The following DCC variants were observed in gnomAD, a reference collection of about 807,000 sequenced individuals.
The protein encoded by DCC is netrin receptor DCC.
In DCC, 58 loss-of-function variants were observed where a neutral mutation model predicts 172.5. That is an observed-to-expected ratio of 0.34 (90% confidence interval 0.27 to 0.42). The LOEUF is 0.42. Among genes scored for constraint, DCC ranks in the 10% least tolerant of loss-of-function variants. The probability of loss-of-function intolerance (pLI) is 1.00; values close to 1 mark genes in which losing one functional copy is unlikely to be tolerated. For missense variants in DCC, 1,740 were observed against 1,791.0 expected (o/e 0.97, Z 0.51); for synonymous variants, 709 against 644.5 (o/e 1.10, Z -1.52).
At chr18:52,485,816 T>C (rs1452627353) in intron 1 of DCC, among the ~76,000 whole-genome samples, 1 of 152,122 alleles carries the variant, frequency 6.6e-6, no homozygotes, top group African/African-American at 2.4e-5. Flanking sequence ...ATTCAAAGAA[T>C]AATTCAACAG....
chr18:53,048,842 C>A (rs960346029), intron 5 of DCC, among the ~76,000 whole-genome samples: 2 of 151,692 alleles, frequency 1.3e-5, no homozygotes, highest in Non-Finnish European at 2.9e-5. Context: ...CTCACCAGCA[C>A]CTGTTATTTT....
At chr18:52,686,020 G>A (rs1182864411) in intron 1 of DCC, among the ~76,000 whole-genome samples, 1 of 151,818 alleles carries the variant, frequency 6.6e-6, no homozygotes, top group Non-Finnish European at 1.5e-5. Context: ...ATGTAAAGGG[G>A]TACAGGACAG....
chr18:52,835,765 A>G (rs2038693608), intron 2 of DCC, among the ~76,000 whole-genome samples: 1 of 152,358 alleles, frequency 6.6e-6, no homozygotes, highest in East Asian at 1.9e-4. Context: ...AAAATGATTC[A>G]AAAGTAACAT....
intron 19 of DCC, among the ~76,000 whole-genome samples, chr18:53,405,667 T>C (rs1909613066): frequency 6.6e-6 from 1 of 152,198 alleles, no homozygotes; most frequent in African/African-American, 2.4e-5. Flanking sequence ...TCTCTGATCA[T>C]AAACTGGAAA....
At chr18:52,924,934 C>G (rs1282079800) in intron 4 of DCC, among the ~76,000 whole-genome samples, 1 of 151,792 alleles carries the variant, frequency 6.6e-6, no homozygotes, top group Non-Finnish European at 1.5e-5. Context: ...CCTCGAGGTT[C>G]TCAAATCCAA....
chr18:52,729,389 A>T (rs1180795809), intron 1 of DCC, among the ~76,000 whole-genome samples: 2 of 152,062 alleles, frequency 1.3e-5, no homozygotes, highest in African/African-American at 2.4e-5. Context: ...CCTCCTGAGT[A>T]GCTGGGATTA....
chr18:52,850,650 C>T (rs2038961016), intron 2 of DCC, among the ~76,000 whole-genome samples: 1 of 152,068 alleles, frequency 6.6e-6, no homozygotes, highest in Admixed American at 6.6e-5. Context: ...TGGGGAACAC[C>T]TATTCTACTT....
At chr18:52,776,630 G>A (rs756535901) in intron 2 of DCC, among the ~76,000 whole-genome samples, 40 of 152,088 alleles carry the variant, frequency 2.6e-4, no homozygotes, top group Non-Finnish European at 1.5e-4. Flanking sequence ...CAGGAGGTGG[G>A]GATGGGCGGG....
intron 25 of DCC, among the ~76,000 whole-genome samples, chr18:53,481,946 T>G (rs1260899538): frequency 6.6e-6 from 1 of 152,182 alleles, no homozygotes; most frequent in Non-Finnish European, 1.5e-5. Flanking sequence ...CTTGTCATAT[T>G]TTGCCGCAGA....
At chr18:52,401,047 T>G (rs894669577) in intron 1 of DCC, among the ~76,000 whole-genome samples, 4 of 152,096 alleles carry the variant, frequency 2.6e-5, no homozygotes, top group South Asian at 2.1e-4. Context: ...TAACTGTGTA[T>G]ACATATGTAA....
chr18:53,494,746 G>T (rs2045999590), intron 26 of DCC, among the ~76,000 whole-genome samples: 2 of 152,040 alleles, frequency 1.3e-5, no homozygotes, highest in African/African-American at 2.4e-5. Flanking sequence ...CACACTGATG[G>T]GTCTTGATTC....
chr18:52,880,475 G>A (rs1216982126), intron 2 of DCC, among the ~76,000 whole-genome samples: 5 of 151,980 alleles, frequency 3.3e-5, no homozygotes, highest in Admixed American at 3.3e-4. Flanking sequence ...ATTATGTTTT[G>A]TATCCCGTAA....
At chr18:53,150,379 C>G (rs1273948900) in intron 7 of DCC, among the ~76,000 whole-genome samples, 2 of 152,176 alleles carry the variant, frequency 1.3e-5, no homozygotes, top group South Asian at 4.1e-4. Flanking sequence ...ATTTGCAAAG[C>G]CTTCCGTTTA....
At chr18:53,177,844 G>T (rs544760942) in intron 8 of DCC, among the ~76,000 whole-genome samples, 64 of 152,320 alleles carry the variant, frequency 4.2e-4, no homozygotes, top group African/African-American at 1.4e-3. Flanking sequence ...AAGCGAGCCA[G>T]TCTCTGCCAT....
At chr18:52,997,134 T>TC (rs780874981) in intron 5 of DCC, among the ~76,000 whole-genome samples, 2 of 152,052 alleles carry the variant, frequency 1.3e-5, no homozygotes, top group Non-Finnish European at 2.9e-5. Flanking sequence ...ATACAATGTA[T>TC]CCACTGAGTT....
intron 14 of DCC, among the ~76,000 whole-genome samples, chr18:53,335,588 C>T (rs1178914401): frequency 6.6e-6 from 1 of 152,050 alleles, no homozygotes; most frequent in Non-Finnish European, 1.5e-5. Flanking sequence ...ATACATGTTA[C>T]AGAAAATAAC....
chr18:52,900,459 T>A (rs1330663040), intron 2 of DCC, among the ~76,000 whole-genome samples: 1 of 152,216 alleles, frequency 6.6e-6, no homozygotes, highest in East Asian at 1.9e-4. Flanking sequence ...CTCTTGCTAA[T>A]AGCACCCAAT....
intron 12 of DCC, among the ~76,000 whole-genome samples, chr18:53,217,006 T>C (rs1455446637): frequency 6.6e-6 from 1 of 152,130 alleles, no homozygotes; most frequent in Non-Finnish European, 1.5e-5. Context: ...GTCTCTTGTT[T>C]AACAATTCAT....
chr18:52,765,077 G>A (rs111345232), intron 2 of DCC, among the ~76,000 whole-genome samples: 30 of 149,696 alleles, frequency 2.0e-4, no homozygotes, highest in Middle Eastern at 3.5e-3. Flanking sequence ...TGCCCAGGCC[G>A]GAGTGCAGTG....
Sources: gnomAD v4.1 joint callset for allele counts (sites outside exome capture counted in the v4.1 genomes callset) on GRCh38, gnomAD v4.1.1 for gene constraint, MANE v1.5 for transcripts, NCBI Gene and HGNC (gene_info 2026-07-23, HGNC 2026-07-21) for gene names.